Variants in CELF4 observed in about 807,000 individuals in gnomAD.
The protein encoded by CELF4 is CUG-BP- and ETR-3-like factor 4.
A neutral mutation model predicts 59.9 loss-of-function variants in CELF4; 18 were observed. The observed-to-expected ratio is 0.30, with a 90% confidence interval of 0.21 to 0.45. The LOEUF is 0.45. CELF4 is among the 20% of genes least tolerant of loss of function. The pLI is 1.00. For missense variants in CELF4, 456 were observed against 689.0 expected (o/e 0.66, Z 3.79); for synonymous variants, 261 against 267.1 (o/e 0.98, Z 0.22).
rs187038882 is a variant in CELF4 at position 37,476,893 on chromosome 18, G to A, written c.369+8632C>T. On this transcript the variant is annotated intron_variant, in intron 2 of 12. Coordinates refer to ENST00000420428, the MANE Select transcript of CELF4 (RefSeq NM_020180.4). ...TGCCCACATTCACACCTGCACCGGC[G>A]GCGAATGCCTGGGCCAAAGCACCTT... 5.9e-5 allele frequency among the ~76,000 whole-genome samples: 9 copies of A among 152,322 alleles called. No homozygotes were observed. The East Asian group carries it at 1.5e-3, about 26-fold the overall frequency.
intron 2 of CELF4, among the ~76,000 whole-genome samples, chr18:37,328,270 C>G (rs642121): frequency 0.68 from 103,053 of 152,110 alleles, 35,206 homozygotes; most frequent in African/African-American, 0.75. Context: ...TGAAAGAAAT[C>G]TGCAAGAGCA....
chr18:37,345,732 G>A (rs1156582060), intron 2 of CELF4, among the ~76,000 whole-genome samples: 1 of 152,086 alleles, frequency 6.6e-6, no homozygotes, highest in African/African-American at 2.4e-5. Flanking sequence ...GCTGCTCTAG[G>A]CTGAAGGGAG....
intron 1 of CELF4, among the ~76,000 whole-genome samples, chr18:37,516,420 A>T (rs1389439506): frequency 6.6e-6 from 1 of 152,218 alleles, no homozygotes; most frequent in African/African-American, 2.4e-5. Context: ...CCCCATGCCA[A>T]CACTAGCCTG....
At chr18:37,267,900 G>T (rs7230196) in intron 8 of CELF4, among the ~76,000 whole-genome samples, 19,056 of 152,160 alleles carry the variant, frequency 0.13, 1,280 homozygotes, top group Middle Eastern at 0.15. Context: ...TAGTGGGCAT[G>T]GTGGTGGGCA....
At chr18:37,361,999 T>C (rs1603628095) in intron 2 of CELF4, among the ~76,000 whole-genome samples, 1 of 152,130 alleles carries the variant, frequency 6.6e-6, no homozygotes, top group South Asian at 2.1e-4. Context: ...AAGCGGACGG[T>C]CAGAGGAGCC....
intron 2 of CELF4, among the ~76,000 whole-genome samples, chr18:37,338,105 T>TATCAGC (rs2097844901): frequency 6.0e-5 from 6 of 99,986 alleles, no homozygotes; most frequent in Admixed American, 9.6e-5. Flanking sequence ...TTGTCACCAC[T>TATCAGC]ACTGTCACTG....
chr18:37,264,613 A>G lies in CELF4; in HGVS notation c.1249+61T>C, dbSNP rs1601051766. The G allele has an allele frequency of 1.7e-5, 24 of 1,412,302 alleles. No homozygotes were observed. In the East Asian group the frequency reaches 6.0e-4, roughly 35 times the overall value. The allele number at this position is 1,412,302 out of a possible 1,614,324, so 87.5% of individuals were successfully genotyped here. On this transcript the variant is annotated intron_variant, in intron 10 of 12. Coordinates refer to ENST00000420428, the MANE Select transcript of CELF4 (RefSeq NM_020180.4). ...CACACCCCAGCCCAAGGCCCAGGTG[A>G]GCAGCCTCTTTGGGGACAACAGGGG... is the stretch of plus-strand genomic sequence containing the variant.
chr18:37,499,663 G>C (rs1280388044), intron 1 of CELF4, among the ~76,000 whole-genome samples: 1 of 152,238 alleles, frequency 6.6e-6, no homozygotes, highest in African/African-American at 2.4e-5. Context: ...CCTGGCACAG[G>C]GCCTGGCATG....
At chr18:37,280,497 G>A (rs1407007862) in intron 3 of CELF4, among the ~76,000 whole-genome samples, 1 of 152,184 alleles carries the variant, frequency 6.6e-6, no homozygotes, top group Non-Finnish European at 1.5e-5. Context: ...TGGAGCCCCT[G>A]ATGAGAGAAC....
At chr18:37,485,694 G>T in intron 1 of CELF4, 87 bp from the exon 2 acceptor site, 2 of 734,556 alleles carry the variant, frequency 2.7e-6, no homozygotes, top group African/African-American at 1.9e-5. Context: ...CCAGGCTCCC[G>T]CCCCTCCCTG....
rs1461108374 is a variant in CELF4, at chr18:37,246,133, C to T, written c.*45-936G>A. 6.6e-6 allele frequency among the ~76,000 whole-genome samples: 1 copy of T among 152,168 alleles called. No individual in the cohort carries two copies. The highest frequency in any genetic ancestry group is 2.4e-5 in the African/African-American group (1 of 41,440). On this transcript the variant is annotated intron_variant, in intron 12 of 12. Coordinates refer to ENST00000420428, the MANE Select transcript of CELF4 (RefSeq NM_020180.4). This position sits in a 1 kb window ranked among gnomAD's most constrained non-coding sequence, Gnocchi z 5.3. The stretch of plus-strand genomic sequence containing the variant: ...TTCTAGCAAGCAGCTTCCACTTATA[C>T]ATGGGGGTGACTGGTTACATCAAGA...
chr18:37,492,240 G>A lies in CELF4; in HGVS notation c.287-6633C>T, dbSNP rs532243472. 2.6e-5 allele frequency among the ~76,000 whole-genome samples: 4 copies of A among 152,200 alleles called. No individual in the cohort carries two copies. The East Asian group carries it at 5.8e-4, about 22-fold the overall frequency. On this transcript the variant is annotated intron_variant, in intron 1 of 12. Coordinates refer to ENST00000420428, the MANE Select transcript of CELF4 (RefSeq NM_020180.4). ...CAGGAGGCCCACTAGCCAGACCTAG[G>A]GGCCGAGGAAGGGGCTCCCTGAAGG... is the stretch of plus-strand genomic sequence containing the variant.
intron 2 of CELF4, among the ~76,000 whole-genome samples, chr18:37,419,964 G>A (rs924465137): frequency 1.3e-5 from 2 of 152,234 alleles, no homozygotes; most frequent in Admixed American, 1.3e-4. Context: ...GGCCACTCCG[G>A]GGTTCTGGCA....
At chr18:37,315,848 C>T (rs1037552789) in intron 3 of CELF4, among the ~76,000 whole-genome samples, 4 of 152,206 alleles carry the variant, frequency 2.6e-5, no homozygotes, top group Admixed American at 6.5e-5. Flanking sequence ...GCCCACTAAG[C>T]GGGGTGGGCA....
chr18:37,515,063 C>T (rs1014011921), intron 1 of CELF4, among the ~76,000 whole-genome samples: 1 of 152,126 alleles, frequency 6.6e-6, no homozygotes, highest in African/African-American at 2.4e-5. Context: ...GCTCTCCAGG[C>T]CCATTTGCCT....
At chr18:37,552,957 C>T (rs547747832) in intron 1 of CELF4, among the ~76,000 whole-genome samples, 22 of 152,356 alleles carry the variant, frequency 1.4e-4, no homozygotes, top group South Asian at 4.1e-4. Context: ...AGCTCAACAA[C>T]GTGCTTTTCT....
intron 1 of CELF4, among the ~76,000 whole-genome samples, chr18:37,493,220 G>T (rs2099912212): frequency 6.6e-6 from 1 of 152,256 alleles, no homozygotes; most frequent in Admixed American, 6.5e-5. Flanking sequence ...CTTCCCCCAT[G>T]CCTCACCCCT....
intron 2 of CELF4, among the ~76,000 whole-genome samples, chr18:37,373,317 C>G (rs1424461863): frequency 2.6e-5 from 4 of 152,202 alleles, no homozygotes; most frequent in African/African-American, 9.7e-5. Flanking sequence ...GTGCCCAGAG[C>G]CCTGCCCTTC....
intron 1 of CELF4, among the ~76,000 whole-genome samples, chr18:37,520,657 A>G (rs905393001): frequency 1.3e-5 from 2 of 152,276 alleles, no homozygotes; most frequent in Admixed American, 1.3e-4. Context: ...CCCGTAATCA[A>G]AAAGCCCACT....
Sources: allele counts gnomAD v4.1 joint callset (sites outside exome capture counted in the v4.1 genomes callset), GRCh38; gene constraint gnomAD v4.1.1; non-coding constraint Gnocchi (gnomAD v3.1); transcripts MANE v1.5; gene names NCBI Gene and HGNC (gene_info 2026-07-23, HGNC 2026-07-21).